ETS2: variants seen among roughly 807,000 people sequenced by gnomAD.
The protein encoded by ETS2 is ETS proto-oncogene 2, transcription factor, also known as protein C-ets-2.
ETS2 carries 19 observed loss-of-function variants against 54.9 expected under a neutral mutation model. The observed-to-expected ratio is 0.35, with a 90% CI of 0.24 to 0.51. The LOEUF is 0.51. Among genes scored for constraint, ETS2 ranks in the 20% least tolerant of loss-of-function variants. ETS2 has a pLI of 0.97. For missense variants in ETS2, 417 were observed against 593.0 expected (o/e 0.70, Z 3.08); for synonymous variants, 219 against 229.3 (o/e 0.95, Z 0.41).
Position 38,821,633 on chromosome 21 carries a change from G to A in ETS2, c.1123G>A (p.Asp375Asn). 6.2e-7 allele frequency: 1 copy of A among 1,614,192 alleles called. No individual in the cohort carries two copies. The highest frequency in any genetic ancestry group is 8.5e-7 in the Non-Finnish European group (1 of 1,180,016). ...GCAGTTTCTCCTGGAGCTGCTATCAGACAAATCCTGCCAGTCATTCATCAG... is the reference window on the plus strand; with the variant it reads ...GCAGTTTCTCCTGGAGCTGCTATCAAACAAATCCTGCCAGTCATTCATCAG... The part of the protein sequence containing the change: ...LWQFLLELLS[D>N]KSCQSFISWT... Residue 375 changes from aspartate (D) to asparagine (N), a missense_variant, in exon 9 of 10, where the codon GAC becomes AAC. Asp to Asn is a conservative substitution (Grantham distance 23, BLOSUM62 1). Coordinates refer to ENST00000360938, the MANE Select transcript of ETS2 (RefSeq NM_005239.6). The surrounding 1 kb of genome is among the most constrained non-coding windows in gnomAD (Gnocchi z 4.2).
intron 1 of ETS2, among the ~76,000 whole-genome samples, chr21:38,809,152 G>A (rs999598876): frequency 5.3e-5 from 8 of 152,202 alleles, no homozygotes; most frequent in African/African-American, 1.2e-4. Context: ...TAATATATTC[G>A]AAATATTATG....
intron 1 of ETS2, among the ~76,000 whole-genome samples, chr21:38,808,531 G>A (rs2060901862): frequency 6.6e-6 from 1 of 151,672 alleles, no homozygotes. Flanking sequence ...TGTTTTAACA[G>A]AATTTTCTGA....
At chr21:38,809,637 C>T (rs1048586068) in intron 1 of ETS2, 3 of 175,902 alleles carry the variant, frequency 1.7e-5, no homozygotes, top group African/African-American at 4.8e-5. Flanking sequence ...CAGGAGGCGG[C>T]CCACTGCCCC....
upstream of ETS2, chr21:38,805,280 G>A: frequency 8.6e-7 from 1 of 1,161,268 alleles, no homozygotes; most frequent in Non-Finnish European, 1.1e-6. This position sits in a 1 kb window ranked among gnomAD's most constrained non-coding sequence, Gnocchi z 5.2. Flanking sequence ...TCTACAGGAA[G>A]CGCCTCATTT....
Position 38,806,727 on chromosome 21 carries a change from G to A in ETS2, c.-1+607G>A. The A allele has an allele frequency of 1.0e-6, 1 of 985,524 alleles. No individual in the cohort carries two copies. Among genetic ancestry groups the A allele is most frequent in the Non-Finnish European group, 1.2e-6 (1 of 829,974 alleles). 61.0% of individuals were successfully genotyped at this position (985,524 alleles called of 1,614,324 possible). Reference sequence around the variant, plus strand: ...GGGACCCCTCGGTCGTGCGAGGAGAGCGTGGGGAACCTGTCGGAAATGAGA... The same window carrying A: ...GGGACCCCTCGGTCGTGCGAGGAGAACGTGGGGAACCTGTCGGAAATGAGA... On this transcript the variant is annotated intron_variant, in intron 1 of 9. Transcript: ENST00000360938. The surrounding 1 kb of genome is among the most constrained non-coding windows in gnomAD (Gnocchi z 4.3).
rs957600385 is a variant in ETS2 at position 38,814,478 on chromosome 21, T to C, written c.304+86T>C. ...TGATCTTGACTTGTTTATTAAGCTT[T>C]TGCTTGGGGTATTCTGCAAAGAGTA... is the stretch of plus-strand genomic sequence containing the variant. On this transcript the variant is annotated intron_variant, in intron 4 of 9. Coordinates refer to ENST00000360938, the MANE Select transcript of ETS2 (RefSeq NM_005239.6). The surrounding 1 kb of genome is among the most constrained non-coding windows in gnomAD (Gnocchi z 4.2). 2 of 1,519,988 alleles carry C rather than the reference T, an allele frequency of 1.3e-6. No individual in the cohort carries two copies. Among genetic ancestry groups the C allele is most frequent in the African/African-American group, 1.4e-5 (1 of 72,438 alleles). 94.2% of individuals were successfully genotyped at this position (1,519,988 alleles called of 1,614,324 possible). A position where few individuals can be genotyped will look rare whatever the true frequency, so the allele number is the denominator to read the frequency against.
At chr21:38,817,988 G>C (rs2060941980) in intron 6 of ETS2, among the ~76,000 whole-genome samples, 1 of 152,242 alleles carries the variant, frequency 6.6e-6, no homozygotes, top group East Asian at 1.9e-4. Flanking sequence ...AGAGACAGGA[G>C]CGGTGTGATG....
chr21:38,821,584 A>G lies in ETS2; in HGVS notation c.1076-2A>G. 1 of 1,600,556 alleles carries G rather than the reference A, an allele frequency of 6.2e-7. No homozygotes were observed. Among genetic ancestry groups the G allele is most frequent in the Non-Finnish European group, 8.6e-7 (1 of 1,167,528 alleles). On this transcript the variant is annotated splice_acceptor_variant, in intron 8 of 9. Transcript: ENST00000360938. LOFTEE classifies it high-confidence loss of function. This position sits in a 1 kb window ranked among gnomAD's most constrained non-coding sequence, Gnocchi z 4.2. Reference sequence around the variant, plus strand: ...GATCCGTCTCCCTCCCTCTCCCCGCAGGAAGTGGACCTATTCAGCTGTGGC... The same window carrying G: ...GATCCGTCTCCCTCCCTCTCCCCGCGGGAAGTGGACCTATTCAGCTGTGGC...
chr21:38,814,539 C>A lies in ETS2; in HGVS notation c.304+147C>A. On this transcript the variant is annotated intron_variant, in intron 4 of 9. Coordinates refer to ENST00000360938, the MANE Select transcript of ETS2 (RefSeq NM_005239.6). The surrounding 1 kb of genome is among the most constrained non-coding windows in gnomAD (Gnocchi z 4.2). ...CGTTAACCTGAGCCAGTTTCTGTTT[C>A]ACCCCAATCAACCCAAGACTTGATC... 9.8e-7 allele frequency: 1 copy of A among 1,022,142 alleles called. No homozygotes were observed. Among genetic ancestry groups the A allele is most frequent in the Non-Finnish European group, 1.4e-6 (1 of 706,718 alleles). The allele number at this position is 1,022,142 out of a possible 1,614,324, so 63.3% of individuals were successfully genotyped here.
At chr21:38,810,013 CT>C (rs3833351) in intron 1 of ETS2, 21 bp from the exon 2 acceptor site, 19,890 of 1,112,378 alleles carry the variant, frequency 0.018, 116 homozygotes, top group East Asian at 0.11. Flanking sequence ...GCCTCTTTGA[CT>C]TTTTTTTTTT....
At position 38,810,079 on chromosome 21, in the gene ETS2, G is replaced by A. The variant is rs1039364583; in HGVS notation, c.45G>A (p.Val15=). The A allele has an allele frequency of 2.4e-5, 38 of 1,557,296 alleles. No homozygotes were observed. The highest frequency in any genetic ancestry group is 3.2e-5 in the Non-Finnish European group (37 of 1,159,612). ...GIKNMDQVAP[V]ANSYRGTLKR... ...AGAATATGGACCAGGTAGCCCCTGTGGCTAACAGTTACAGAGGGACACTCA... is the reference window on the plus strand; with the variant it reads ...AGAATATGGACCAGGTAGCCCCTGTAGCTAACAGTTACAGAGGGACACTCA... Residue 15 remains valine, a synonymous_variant, in exon 2 of 10, where the codon GTG becomes GTA. Transcript: ENST00000360938.
At position 38,817,104 on chromosome 21, in the gene ETS2, G is replaced by C. The variant is rs774105700; in HGVS notation, c.589+13G>C. ...AGCAATACATTAGGTCAGTCCGATT[G>C]ATTCTGCCCTTAAGAACTTTGTCTT... On this transcript the variant is annotated intron_variant, in intron 6 of 9. Coordinates refer to ENST00000360938, the MANE Select transcript of ETS2 (RefSeq NM_005239.6). 2 of 1,553,820 alleles carry C rather than the reference G, an allele frequency of 1.3e-6. No individual in the cohort carries two copies. Among genetic ancestry groups the C allele is most frequent in the South Asian group, 2.2e-5 (2 of 89,608 alleles).
Position 38,822,901 on chromosome 21 carries a change from C to G in ETS2, c.*12C>G, listed in dbSNP as rs1221089669. 1.3e-6 allele frequency: 2 copies of G among 1,543,212 alleles called. No homozygotes were observed. Among genetic ancestry groups the G allele is most frequent in the Non-Finnish European group, 1.7e-6 (2 of 1,143,254 alleles). ...ACACGGAGGACTGAGGTCGCCGGGA[C>G]CACCCTGAGCCGGCCCCAGGCTCGT... On this transcript the variant is annotated 3_prime_UTR_variant, in exon 10 of 10. Transcript: ENST00000360938.
chr21:38,822,508 C>T (rs1459509918), intron 9 of ETS2, among the ~76,000 whole-genome samples, 166 bp from the exon 10 acceptor site: 1 of 152,164 alleles, frequency 6.6e-6, no homozygotes, highest in Non-Finnish European at 1.5e-5. Context: ...CATAGGTACT[C>T]AAAGGTACTC....
intron 2 of ETS2, 67 bp downstream of exon 2, chr21:38,810,173 A>G (rs1021458436): frequency 9.2e-6 from 9 of 978,524 alleles, no homozygotes; most frequent in Non-Finnish European, 1.5e-6. Flanking sequence ...AAAGAAAAAA[A>G]AGGCCTGGGT....
chr21:38,814,696 G>A lies in ETS2; in HGVS notation c.305-85G>A. On this transcript the variant is annotated intron_variant, in intron 4 of 9. Transcript: ENST00000360938. The surrounding 1 kb of genome is among the most constrained non-coding windows in gnomAD (Gnocchi z 4.2). ...GGGTTCTGGTGTATGTCGGTACTTG[G>A]TGCATAAATTAGGGATGACAGTGGT... is the stretch of plus-strand genomic sequence containing the variant. The A allele has an allele frequency of 8.2e-7, 1 of 1,223,030 alleles. No individual in the cohort carries two copies. The highest frequency in any genetic ancestry group is 1.2e-6 in the Non-Finnish European group (1 of 840,202). 75.8% of individuals were successfully genotyped at this position (1,223,030 alleles called of 1,614,324 possible). A position where few individuals can be genotyped will look rare whatever the true frequency, so the allele number is the denominator to read the frequency against.
intron 2 of ETS2, among the ~76,000 whole-genome samples, chr21:38,810,433 C>T (rs1432857040): frequency 6.6e-6 from 1 of 152,182 alleles, no homozygotes; most frequent in East Asian, 1.9e-4. Flanking sequence ...TTTCTGTCTA[C>T]CCAGGAGTTT....
Position 38,821,561 on chromosome 21 carries a change from T to C in ETS2, c.1076-25T>C, listed in dbSNP as rs957711075. ...ATTTTACATCTGTGAAAGGGTATGA[T>C]CCGTCTCCCTCCCTCTCCCCGCAGG... On this transcript the variant is annotated intron_variant, in intron 8 of 9. Coordinates refer to ENST00000360938, the MANE Select transcript of ETS2 (RefSeq NM_005239.6). This position sits in a 1 kb window ranked among gnomAD's most constrained non-coding sequence, Gnocchi z 4.2. 4 of 1,478,446 alleles carry C rather than the reference T, an allele frequency of 2.7e-6. No individual in the cohort carries two copies. The African/African-American group carries it at 4.2e-5, about 15-fold the overall frequency. The allele number at this position is 1,478,446 out of a possible 1,614,324, so 91.6% of individuals were successfully genotyped here.
intron 6 of ETS2, among the ~76,000 whole-genome samples, chr21:38,817,546 C>T (rs922808945): frequency 2.6e-5 from 4 of 152,190 alleles, no homozygotes; most frequent in Admixed American, 6.5e-5. Context: ...AGGAGCAGAA[C>T]GAAGTGAGCT....
Sources: gnomAD v4.1 joint callset for allele counts (sites outside exome capture counted in the v4.1 genomes callset) on GRCh38, gnomAD v4.1.1 for gene constraint, Gnocchi (gnomAD v3.1) non-coding constraint, MANE v1.5 for transcripts, NCBI Gene and HGNC (gene_info 2026-07-23, HGNC 2026-07-21) for gene names.